The following ACD variants were observed in gnomAD, a reference collection of about 807,000 sequenced individuals.
The protein encoded by ACD is ACD shelterin complex subunit and telomerase recruitment factor, also known as adrenocortical dysplasia protein homolog.
Under a neutral mutation model 53.9 loss-of-function variants are expected in ACD, and 39 were observed. That is an observed-to-expected ratio of 0.72 (90% CI 0.56 to 0.95). ACD has a LOEUF of 0.95. Ranked by LOEUF, ACD falls within the 40% of genes least tolerant of loss-of-function variation. The probability of loss-of-function intolerance (pLI) is 0.00; values close to 1 mark genes in which losing one functional copy is unlikely to be tolerated. For synonymous variants in ACD, 273 were observed against 249.2 expected, an observed-to-expected ratio of 1.10 and a Z score of -0.90; for missense variants, 526 against 587.9, an observed-to-expected ratio of 0.89 and a Z score of 1.09.
rs146942923 is a variant in ACD at position 67,659,783 on chromosome 16, C to A, written c.255G>T (p.Glu85Asp). ...ALDTSDWEEKEFGFRGTEGRL... is the reference protein window; with the variant it reads ...ALDTSDWEEKDFGFRGTEGRL... ...GGCCCTCTGTCCCGCGGAAGCCGAA[C>A]TCCTTCTCCTCCCTGCAACAAGCAG... is the stretch of plus-strand genomic sequence containing the variant. Residue 85 changes from glutamate (E) to aspartate (D), a missense_variant, in exon 3 of 12, where the codon GAG becomes GAT. Transcript: ENST00000620761. 1.9e-6 allele frequency: 3 copies of A among 1,606,732 alleles called. No individual in the cohort carries two copies. Among genetic ancestry groups the A allele is most frequent in the Non-Finnish European group, 2.6e-6 (3 of 1,174,760 alleles).
Position 67,658,819 on chromosome 16 carries a change from G to C in ACD, c.646-3C>G. On this transcript the variant is annotated splice_region_variant and splice_polypyrimidine_tract_variant and intron_variant, in intron 7 of 11. Coordinates refer to ENST00000620761, the MANE Select transcript of ACD (RefSeq NM_001082486.2). ...GGGACAGTGTACACAGCTTCTCCCT[G>C]TGGGACATGAACTCTGTAGGACAGG... is the stretch of plus-strand genomic sequence containing the variant. The C allele has an allele frequency of 6.2e-7, 1 of 1,610,232 alleles. No homozygotes were observed. The highest frequency in any genetic ancestry group is 8.5e-7 in the Non-Finnish European group (1 of 1,177,270).
Sources: allele counts gnomAD v4.1 joint callset, GRCh38; gene constraint gnomAD v4.1.1; transcripts MANE v1.5; gene names NCBI Gene and HGNC (gene_info 2026-07-23, HGNC 2026-07-21).